CSMD1: variants seen among roughly 807,000 people sequenced by gnomAD.
The protein encoded by CSMD1 is CUB and sushi domain-containing protein 1.
CSMD1 carries 213 observed loss-of-function variants against 417.5 expected under a neutral mutation model. That is an observed-to-expected ratio of 0.51 (90% CI 0.46 to 0.57). The LOEUF is 0.57. Among genes scored for constraint, CSMD1 ranks in the 20% least tolerant of loss-of-function variants. CSMD1 has a pLI of 0.00. For missense variants in CSMD1, 6,923 were observed against 4,529.7 expected (o/e 1.53, Z -15.17); for synonymous variants, 2,862 against 1,736.8 (o/e 1.65, Z -16.11).
At chr8:3,441,420 T>C (rs963202779) in intron 12 of CSMD1, among the ~76,000 whole-genome samples, 2 of 151,996 alleles carry the variant, frequency 1.3e-5, no homozygotes, top group African/African-American at 4.8e-5. Context: ...ATAAATGACA[T>C]TGATTTTGAA....
intron 7 of CSMD1, among the ~76,000 whole-genome samples, chr8:3,687,285 G>C (rs535794893): frequency 9.4e-4 from 143 of 152,260 alleles, no homozygotes; most frequent in Non-Finnish European, 1.3e-3. Flanking sequence ...AAAGTCTGTG[G>C]TTACCCCATG....
intron 1 of CSMD1, among the ~76,000 whole-genome samples, chr8:4,684,420 G>A (rs190602768): frequency 5.3e-5 from 8 of 152,226 alleles, no homozygotes; most frequent in Admixed American, 2.0e-4. Flanking sequence ...CTTAAAGCTC[G>A]CATCTTGCTT....
chr8:3,754,589 G>T (rs112352974), intron 5 of CSMD1, among the ~76,000 whole-genome samples: 3 of 152,052 alleles, frequency 2.0e-5, no homozygotes, highest in Admixed American at 1.3e-4. Flanking sequence ...TGAGTAGCTG[G>T]GATTACAGGC....
In CSMD1 at chr8:4,331,775, G is replaced by A. The variant is rs116574576; in HGVS notation, c.415+88178C>T. ...TCGGTCCATGTGCCAAGTCTTCCCA[G>A]GAGAGGTTTTTGTATTTGACTCACA... On this transcript the variant is annotated intron_variant, in intron 3 of 69. Transcript: ENST00000635120. Among the ~76,000 whole-genome samples, 560 of 152,202 alleles carry A rather than the reference G, an allele frequency of 3.7e-3. 3 individuals carry two copies. Among genetic ancestry groups the A allele is most frequent in the African/African-American group, 0.013 (532 of 41,508 alleles).
intron 5 of CSMD1, among the ~76,000 whole-genome samples, chr8:3,842,470 T>G (rs1351545436): frequency 6.6e-6 from 1 of 152,184 alleles, no homozygotes. Flanking sequence ...CATTGTTCAT[T>G]ACTAGTATTA....
intron 54 of CSMD1, among the ~76,000 whole-genome samples, chr8:2,995,159 C>A (rs949865184): frequency 7.2e-5 from 11 of 152,122 alleles, no homozygotes; most frequent in Non-Finnish European, 1.5e-4. Flanking sequence ...ATGACTATTA[C>A]ACAGAATAAA....
At chr8:4,303,803 A>G (rs1296222684) in intron 3 of CSMD1, among the ~76,000 whole-genome samples, 1 of 151,822 alleles carries the variant, frequency 6.6e-6, no homozygotes, top group African/African-American at 2.4e-5. Flanking sequence ...CTACAGGCAC[A>G]CTCCACTCTC....
At chr8:4,220,699 C>T (rs535498981) in intron 3 of CSMD1, among the ~76,000 whole-genome samples, 9 of 152,212 alleles carry the variant, frequency 5.9e-5, no homozygotes, top group South Asian at 4.1e-4. Flanking sequence ...AAGAACATTT[C>T]CCAGGTGCAT....
intron 2 of CSMD1, among the ~76,000 whole-genome samples, chr8:4,474,515 G>A (rs557311936): frequency 6.6e-6 from 1 of 152,216 alleles, no homozygotes; most frequent in Admixed American, 6.5e-5. Flanking sequence ...GAGCAGATTA[G>A]TACAAACTTT....
At chr8:4,741,560 G>A (rs551650877) in intron 1 of CSMD1, among the ~76,000 whole-genome samples, 3 of 152,278 alleles carry the variant, frequency 2.0e-5, no homozygotes, top group African/African-American at 7.2e-5. Flanking sequence ...AGAATGAACT[G>A]GAGGTTTTAG....
At chr8:4,079,425 G>A (rs10086015) in intron 3 of CSMD1, among the ~76,000 whole-genome samples, 13,273 of 152,188 alleles carry the variant, frequency 0.087, 802 homozygotes, top group East Asian at 0.28. Context: ...GCTAAAAACA[G>A]GATATAGAAC....
At chr8:4,389,998 C>T (rs778616528) in intron 3 of CSMD1, among the ~76,000 whole-genome samples, 84 of 152,280 alleles carry the variant, frequency 5.5e-4, no homozygotes, top group Non-Finnish European at 8.7e-4. Flanking sequence ...TATTTTTTAA[C>T]TTTCCTAGAT....
intron 5 of CSMD1, among the ~76,000 whole-genome samples, chr8:3,844,687 C>A (rs1025815913): frequency 1.3e-5 from 2 of 152,158 alleles, no homozygotes; most frequent in Non-Finnish European, 2.9e-5. Flanking sequence ...TTGTCGGGAA[C>A]TGCAGCCTCA....
intron 2 of CSMD1, among the ~76,000 whole-genome samples, chr8:4,546,529 G>A (rs937897728): frequency 2.0e-5 from 3 of 152,072 alleles, no homozygotes; most frequent in Non-Finnish European, 2.9e-5. Context: ...TCCAGAGCTG[G>A]GACCTCCATC....
chr8:3,385,263 A>T (rs1810934679), intron 18 of CSMD1, among the ~76,000 whole-genome samples: 1 of 149,556 alleles, frequency 6.7e-6, no homozygotes, highest in African/African-American at 2.4e-5. Context: ...ATACATGTGT[A>T]TGTATGAATA....
chr8:4,102,973 A>C (rs1563127007), intron 3 of CSMD1, among the ~76,000 whole-genome samples: 1 of 152,192 alleles, frequency 6.6e-6, no homozygotes, highest in Non-Finnish European at 1.5e-5. Context: ...TAACACGTGC[A>C]GAGCCAGCAA....
At chr8:3,818,878 C>G (rs1801551893) in intron 5 of CSMD1, among the ~76,000 whole-genome samples, 1 of 152,180 alleles carries the variant, frequency 6.6e-6, no homozygotes, top group South Asian at 2.1e-4. Context: ...GCTCACACTT[C>G]CTTCCTGCAA....
intron 37 of CSMD1, among the ~76,000 whole-genome samples, chr8:3,163,439 C>T (rs564280091): frequency 2.4e-4 from 36 of 151,360 alleles, no homozygotes; most frequent in African/African-American, 8.7e-4. Flanking sequence ...AGCAGGAGAA[C>T]AGGTCCACTC....
intron 7 of CSMD1, among the ~76,000 whole-genome samples, chr8:3,674,556 T>C (rs1799271144): frequency 6.6e-6 from 1 of 151,834 alleles, no homozygotes; most frequent in East Asian, 1.9e-4. Context: ...ATGCTTACTA[T>C]GTATCATGTA....
Sources: gnomAD v4.1 joint callset for allele counts (sites outside exome capture counted in the v4.1 genomes callset) on GRCh38, gnomAD v4.1.1 for gene constraint, MANE v1.5 for transcripts, NCBI Gene and HGNC (gene_info 2026-07-23, HGNC 2026-07-21) for gene names.